EML5: variants seen among roughly 807,000 people sequenced by gnomAD.
EML5 encodes the protein EMAP like 5.
A neutral mutation model predicts 250.0 loss-of-function variants in EML5; 120 were observed. The observed-to-expected ratio is 0.48, with a 90% CI of 0.41 to 0.56. The LOEUF (loss-of-function observed/expected upper bound fraction) is 0.56. Among genes scored for constraint, EML5 ranks in the 20% least tolerant of loss-of-function variants. The pLI is 0.00. For missense variants in EML5, 2,006 were observed against 2,437.6 expected (o/e 0.82, Z 3.73); for synonymous variants, 771 against 806.5 (o/e 0.96, Z 0.75).
chr14:88,690,842 G>T (rs972510574), intron 17 of EML5, among the ~76,000 whole-genome samples: 1 of 152,172 alleles, frequency 6.6e-6, no homozygotes, highest in African/African-American at 2.4e-5. Context: ...TGGAAGAACT[G>T]GCCTTTATTA....
Position 88,638,806 on chromosome 14 carries a change from T to C in EML5, c.4336+3A>G. On this transcript the variant is annotated splice_donor_region_variant and intron_variant, in intron 32 of 43. Transcript: ENST00000554922. ...TGTTTCTTTTTAAAATACAGAAACA[T>C]ACCTACTTGGCCAGTTGCCACTATG... The C allele has an allele frequency of 1.3e-6, 2 of 1,570,988 alleles. No individual in the cohort carries two copies. Among genetic ancestry groups the C allele is most frequent in the Non-Finnish European group, 1.7e-6 (2 of 1,156,080 alleles).
chr14:88,626,520 A>G lies in EML5; in HGVS notation c.4740+318T>C, dbSNP rs1424027496. The G allele has an allele frequency of 4.8e-5, 13 of 273,028 alleles. No individual in the cohort carries two copies. The East Asian group carries it at 1.0e-3, about 22-fold the overall frequency. The allele number at this position is 273,028 out of a possible 1,614,324, so 16.9% of individuals were successfully genotyped here. A position where few individuals can be genotyped will look rare whatever the true frequency, so the allele number is the denominator to read the frequency against. On this transcript the variant is annotated intron_variant, in intron 35 of 43. Coordinates refer to ENST00000554922, the MANE Select transcript of EML5 (RefSeq NM_183387.3). Reference sequence around the variant, plus strand: ...TGCCCTGTAGTCCCAGCTACTAAGGAGGCTGAGGATCACTTGAACCTGGGA... The same window carrying G: ...TGCCCTGTAGTCCCAGCTACTAAGGGGGCTGAGGATCACTTGAACCTGGGA...
chr14:88,787,043 G>T (rs982291606), intron 1 of EML5, among the ~76,000 whole-genome samples: 1 of 152,188 alleles, frequency 6.6e-6, no homozygotes, highest in African/African-American at 2.4e-5. Flanking sequence ...AAAAGGAACT[G>T]AAGATAGTAT....
rs906263099 is a variant in EML5 at position 88,615,639 on chromosome 14, C to G, written c.*179G>C. ...GGCAGTGTATGGATTACGGATTATA[C>G]CCAGTGCATATAGCAAATATTTTGA... On this transcript the variant is annotated 3_prime_UTR_variant, in exon 44 of 44. Transcript: ENST00000554922. The G allele has an allele frequency of 1.2e-5, 7 of 592,370 alleles. No individual in the cohort carries two copies. The East Asian group carries it at 2.0e-4, about 17-fold the overall frequency. 36.7% of individuals were successfully genotyped at this position (592,370 alleles called of 1,614,324 possible).
At chr14:88,666,072 A>G (rs563620100) in intron 21 of EML5, among the ~76,000 whole-genome samples, 2 of 152,354 alleles carry the variant, frequency 1.3e-5, no homozygotes, top group East Asian at 3.9e-4. Flanking sequence ...GCAAGTATGG[A>G]TATTTACCTT....
intron 1 of EML5, among the ~76,000 whole-genome samples, chr14:88,789,714 C>G (rs1407124582): frequency 6.8e-6 from 1 of 146,776 alleles, no homozygotes; most frequent in Non-Finnish European, 1.5e-5. Flanking sequence ...CACTGGCAAT[C>G]CCAGGTGATA....
chr14:88,750,840 C>T (rs1168764423), intron 2 of EML5, among the ~76,000 whole-genome samples: 1 of 152,136 alleles, frequency 6.6e-6, no homozygotes, highest in African/African-American at 2.4e-5. Context: ...AAAAATCTAG[C>T]TAGAACAAAT....
chr14:88,658,123 C>T (rs1357811743), intron 26 of EML5, 64 bp downstream of exon 26: 1 of 1,516,176 alleles, frequency 6.6e-7, no homozygotes, highest in Non-Finnish European at 9.1e-7. Context: ...TTAACTTCCA[C>T]AGCTTAAACA....
intron 19 of EML5, 65 bp from the exon 20 acceptor site, chr14:88,685,207 T>A: frequency 7.4e-7 from 1 of 1,349,108 alleles, no homozygotes; most frequent in East Asian, 2.5e-5. Flanking sequence ...GTGTATATAT[T>A]GCCAATTAAG....
chr14:88,657,374 A>T lies in EML5; in HGVS notation c.4004+2T>A. ...TCATCTAATACTAAACTAAATTATT[A>T]CCTTTCATCAATTGAGGGTTCTTTT... On this transcript the variant is annotated splice_donor_variant, in intron 27 of 43. Coordinates refer to ENST00000554922, the MANE Select transcript of EML5 (RefSeq NM_183387.3). LOFTEE classifies it high-confidence loss of function. 1 of 1,557,070 alleles carries T rather than the reference A, an allele frequency of 6.4e-7. No homozygotes were observed. Among genetic ancestry groups the T allele is most frequent in the Non-Finnish European group, 8.7e-7 (1 of 1,150,432 alleles).
At position 88,734,712 on chromosome 14, in the gene EML5, CTGTATCT is replaced by C. The variant is rs1283800137; in HGVS notation, c.1049+1645_1049+1651del. On this transcript the variant is annotated intron_variant, in intron 7 of 43. Transcript: ENST00000554922. ...TAGGAAATATCCTGAAAATTCATAA[CTGTATCT>C]CATCAAACCTCTAAATCTAACTACC... Among the ~76,000 whole-genome samples, 3 of 152,212 alleles carry C rather than the reference CTGTATCT, an allele frequency of 2.0e-5. No individual in the cohort carries two copies. The East Asian group carries it at 5.8e-4, about 29-fold the overall frequency.
chr14:88,714,664 A>G (rs1227086387), intron 9 of EML5, among the ~76,000 whole-genome samples: 4 of 152,178 alleles, frequency 2.6e-5, no homozygotes, highest in African/African-American at 7.2e-5. Context: ...AATTTTCAAT[A>G]TATACAATTT....
intron 8 of EML5, among the ~76,000 whole-genome samples, chr14:88,719,645 A>G (rs925401683): frequency 6.6e-6 from 1 of 151,952 alleles, no homozygotes; most frequent in African/African-American, 2.4e-5. Flanking sequence ...AAATATTTGC[A>G]AGTTTTCATA....
At chr14:88,733,246 T>C (rs1448100457) in intron 7 of EML5, among the ~76,000 whole-genome samples, 1 of 152,224 alleles carries the variant, frequency 6.6e-6, no homozygotes, top group African/African-American at 2.4e-5. Context: ...TGTCTGTCCC[T>C]TGTGCTCCAA....
chr14:88,624,879 T>G (rs2089685730), intron 36 of EML5, 91 bp downstream of exon 36: 7 of 1,435,204 alleles, frequency 4.9e-6, no homozygotes, highest in Middle Eastern at 3.6e-4. Context: ...GAGGACACTC[T>G]GTGTAGCCTA....
At chr14:88,629,402 C>T (rs973471824) in intron 33 of EML5, among the ~76,000 whole-genome samples, 4 of 152,036 alleles carry the variant, frequency 2.6e-5, no homozygotes, top group Admixed American at 1.3e-4. Context: ...TGTTTTAAAA[C>T]GTATAGGTAC....
rs117468336 is a variant in EML5 at position 88,718,986 on chromosome 14, T to C, written c.1188-3791A>G. 9.9e-3 allele frequency among the ~76,000 whole-genome samples: 1,503 copies of C among 152,204 alleles called. 41 individuals are homozygous for C. The highest frequency in any genetic ancestry group is 0.085 in the East Asian group (441 of 5,176). On this transcript the variant is annotated intron_variant, in intron 8 of 43. Transcript: ENST00000554922. Reference sequence around the variant, plus strand: ...AATTTGAAGAAAAATTTTAAATGAATGTGTGATTTCTTCAGCAAAAACTGT... The same window carrying C: ...AATTTGAAGAAAAATTTTAAATGAACGTGTGATTTCTTCAGCAAAAACTGT...
intron 2 of EML5, among the ~76,000 whole-genome samples, chr14:88,752,077 G>A (rs2094104647): frequency 6.6e-6 from 1 of 152,072 alleles, no homozygotes; most frequent in South Asian, 2.1e-4. Context: ...TAAGTAATAT[G>A]TTCTCATGAA....
intron 1 of EML5, among the ~76,000 whole-genome samples, chr14:88,761,098 T>C (rs2094235254): frequency 6.6e-6 from 1 of 152,224 alleles, no homozygotes; most frequent in South Asian, 2.1e-4. Flanking sequence ...TAGGCAATCA[T>C]GTTGTCTAAG....
Sources: gnomAD v4.1 joint callset for allele counts (sites outside exome capture counted in the v4.1 genomes callset) on GRCh38, gnomAD v4.1.1 for gene constraint, MANE v1.5 for transcripts, NCBI Gene and HGNC (gene_info 2026-07-23, HGNC 2026-07-21) for gene names.